SDCBP2: variants seen among roughly 807,000 people sequenced by gnomAD.
SDCBP2 encodes the protein syntenin-2.
SDCBP2 carries 28 observed loss-of-function variants against 30.7 expected under a neutral mutation model. That is an observed-to-expected ratio of 0.91 (90% CI 0.68 to 1.25). The LOEUF (loss-of-function observed/expected upper bound fraction) is 1.25, where lower values mean the gene tolerates loss of function less well. Ranked by LOEUF, SDCBP2 falls within the 50% of genes most tolerant of loss-of-function variation. SDCBP2 has a pLI of 0.00. For missense variants in SDCBP2, 399 were observed against 379.0 expected (o/e 1.05, Z -0.44); for synonymous variants, 166 against 157.3 (o/e 1.06, Z -0.41).
At position 1,310,227 on chromosome 20, in the gene SDCBP2, G is replaced by A. The variant is rs557523920; in HGVS notation, c.*214C>T. 3.7e-5 allele frequency: 18 copies of A among 490,080 alleles called. No homozygotes were observed. The highest frequency in any genetic ancestry group is 7.2e-5 in the Admixed American group (2 of 27,648). The allele number at this position is 490,080 out of a possible 1,614,324, so 30.4% of individuals were successfully genotyped here. ...CAGCACAAGAGAATCGGCTGCCTGT[G>A]GGCCCTGCCTGAGCCTCAGCCTAGC... On this transcript the variant is annotated 3_prime_UTR_variant, in exon 9 of 9. Transcript: ENST00000360779.
At position 1,310,421 on chromosome 20, in the gene SDCBP2, T is replaced by A; in HGVS notation, c.*20A>T. 1 of 1,612,326 alleles carries A rather than the reference T, an allele frequency of 6.2e-7. No homozygotes were observed. The highest frequency in any genetic ancestry group is 8.5e-7 in the Non-Finnish European group (1 of 1,179,450). On this transcript the variant is annotated 3_prime_UTR_variant, in exon 9 of 9. Coordinates refer to ENST00000360779, the MANE Select transcript of SDCBP2 (RefSeq NM_080489.5). The stretch of plus-strand genomic sequence containing the variant: ...AGGAGGGCGGGAAGCCCCCCCTGCC[T>A]GCCCTGCCCTGCAGTGGCTTCAGGC...
At position 1,313,713 on chromosome 20, in the gene SDCBP2, A is replaced by C; in HGVS notation, c.226-215T>G. The C allele has an allele frequency of 7.7e-7, 1 of 1,296,936 alleles. No individual in the cohort carries two copies. The highest frequency in any genetic ancestry group is 9.9e-7 in the Non-Finnish European group (1 of 1,011,082). The allele number at this position is 1,296,936 out of a possible 1,614,324, so 80.3% of individuals were successfully genotyped here. On this transcript the variant is annotated intron_variant, in intron 4 of 8. Coordinates refer to ENST00000360779, the MANE Select transcript of SDCBP2 (RefSeq NM_080489.5). This position sits in a 1 kb window ranked among gnomAD's most constrained non-coding sequence, Gnocchi z 5.2. Reference sequence around the variant, plus strand: ...AAGTCCATGCCCTTAAAAAGCCAGGAAAACGGGGAGGGAAGGGGCGAGGAT... The same window carrying C: ...AAGTCCATGCCCTTAAAAAGCCAGGCAAACGGGGAGGGAAGGGGCGAGGAT...
intron 4 of SDCBP2, chr20:1,317,532 C>T (rs1433584597): frequency 6.5e-6 from 1 of 153,230 alleles, no homozygotes; most frequent in African/African-American, 2.4e-5. Flanking sequence ...CTGCCTTTCA[C>T]AGCACGACCA....
rs1362471766 is a variant in SDCBP2, at chr20:1,312,662, C to T, written c.485G>A (p.Gly162Glu). 5 of 1,614,070 alleles carry T rather than the reference C, an allele frequency of 3.1e-6. No individual in the cohort carries two copies. In the Admixed American group the frequency reaches 8.3e-5, roughly 27 times the overall value. The change falls in exon 6 of 9, where the codon GGG becomes GAG. Residue 162 changes from glycine (G) to glutamate (E), a missense_variant. Gly to Glu is a moderately conservative substitution (Grantham distance 98, BLOSUM62 -2). Transcript: ENST00000360779. ...LLQIDGRDCA[G>E]WSSHKAHQVV... ...CTGATGGGCTTTGTGCGAGCTCCAC[C>T]CAGCACAGTCACGCCCGTCAATCTG...
In SDCBP2 at chr20:1,310,807, C is replaced by T. The variant is rs779449164; in HGVS notation, c.817G>A (p.Val273Ile). 9.3e-6 allele frequency: 15 copies of T among 1,612,286 alleles called. No individual in the cohort carries two copies. In the South Asian group the frequency reaches 1.3e-4, roughly 14 times the overall value. ...GGAGGGGTGCAGCCTTACTTTTTGA[C>T]CATGTGCTCGTAGATCACACTGGGG... ...IIPSVIYEHM[V>I]KKLPPVLLHH... Residue 273 changes from valine to isoleucine, a missense_variant, in exon 8 of 9, where the codon GTC (valine) becomes ATC (isoleucine). By Grantham distance (29) the Val-to-Ile change is conservative. Coordinates refer to ENST00000360779, the MANE Select transcript of SDCBP2 (RefSeq NM_080489.5).
intron 4 of SDCBP2, among the ~76,000 whole-genome samples, chr20:1,317,039 A>C (rs913466020): frequency 6.6e-6 from 1 of 152,146 alleles, no homozygotes; most frequent in Non-Finnish European, 1.5e-5. Flanking sequence ...TGAAATGACA[A>C]AATTATAGAG....
intron 4 of SDCBP2, chr20:1,317,514 C>T (rs921271851): frequency 3.3e-5 from 5 of 152,632 alleles, no homozygotes; most frequent in African/African-American, 1.2e-4. Context: ...ACCTTCTTTG[C>T]TTCATGTCTG....
intron 8 of SDCBP2, 95 bp downstream of exon 8, chr20:1,310,705 G>A (rs956298683): frequency 3.4e-6 from 4 of 1,165,108 alleles, no homozygotes; most frequent in African/African-American, 3.0e-5. Flanking sequence ...CACTGAGAAA[G>A]TGGAAGTGGC....
chr20:1,319,070 G>A (rs1469442383), intron 3 of SDCBP2, among the ~76,000 whole-genome samples: 1 of 152,188 alleles, frequency 6.6e-6, no homozygotes, highest in Non-Finnish European at 1.5e-5. Context: ...CTCTCTTTGA[G>A]CCGCTATCTG....
At chr20:1,314,589 CAAA>C (rs11473327) in intron 4 of SDCBP2, among the ~76,000 whole-genome samples, 2 of 99,360 alleles carry the variant, frequency 2.0e-5, no homozygotes. Flanking sequence ...TACAATCACT[CAAA>C]AAAAAAAAAA....
At chr20:1,326,709 G>A (rs1388668396) in intron 1 of SDCBP2, among the ~76,000 whole-genome samples, 2 of 152,220 alleles carry the variant, frequency 1.3e-5, no homozygotes, top group African/African-American at 4.8e-5. Context: ...CCTACTATGA[G>A]CAAGGCCTTC....
chr20:1,312,538 G>A (rs1416424626), intron 6 of SDCBP2, 30 bp from the exon 7 acceptor site: 1 of 1,614,034 alleles, frequency 6.2e-7, no homozygotes, highest in East Asian at 2.2e-5. Flanking sequence ...GCTGTCCTGG[G>A]GACATGGCTG....
chr20:1,314,626 C>G (rs1398936098), intron 4 of SDCBP2, among the ~76,000 whole-genome samples: 3 of 142,786 alleles, frequency 2.1e-5, no homozygotes, highest in African/African-American at 7.7e-5. Context: ...AGCTCAGTGG[C>G]TCACTCCTGT....
Position 1,320,831 on chromosome 20 carries a change from A to G in SDCBP2, c.-19-396T>C, listed in dbSNP as rs1568563494. 1.3e-5 allele frequency: 2 copies of G among 157,792 alleles called. No homozygotes were observed. Among genetic ancestry groups the G allele is most frequent in the Non-Finnish European group, 2.8e-5 (2 of 71,550 alleles). The allele number at this position is 157,792 out of a possible 1,614,324, so 9.8% of individuals were successfully genotyped here. A position where few individuals can be genotyped will look rare whatever the true frequency, so the allele number is the denominator to read the frequency against. The stretch of plus-strand genomic sequence containing the variant: ...TCTCATTGTCCCAGGGAGAATCAGC[A>G]GGACCTCTGAGCAAGGTGCCCCGAG... On this transcript the variant is annotated intron_variant, in intron 1 of 8. Transcript: ENST00000360779. The surrounding 1 kb of genome is among the most constrained non-coding windows in gnomAD (Gnocchi z 4.7).
rs754363 is a variant in SDCBP2, at chr20:1,324,628, C to A, written c.-19-4193G>T. ...TTCCCTAGTTTTAGTACACACTAGA[C>A]TGTCTGGAAATGCATATATCAGGTT... On this transcript the variant is annotated intron_variant, in intron 1 of 8. Coordinates refer to ENST00000360779, the MANE Select transcript of SDCBP2 (RefSeq NM_080489.5). This position sits in a 1 kb window ranked among gnomAD's most constrained non-coding sequence, Gnocchi z 4.7. Among the ~76,000 whole-genome samples the A allele has an allele frequency of 0.32, 48,808 of 152,080 alleles. 8,643 individuals carry two copies. Among genetic ancestry groups the A allele is most frequent in the African/African-American group, 0.46 (19,175 of 41,452 alleles).
At chr20:1,325,390 A>G (rs2088907206) in intron 1 of SDCBP2, 1 of 152,026 alleles carries the variant, frequency 6.6e-6, no homozygotes, top group Non-Finnish European at 1.5e-5. Context: ...GGGCGCGGTT[A>G]GGGGTGACTC....
rs967142497 is a variant in SDCBP2, at chr20:1,320,487, G to A, written c.-19-52C>T. 1.4e-6 allele frequency: 2 copies of A among 1,392,170 alleles called. No individual in the cohort carries two copies. The highest frequency in any genetic ancestry group is 1.4e-5 in the African/African-American group (1 of 69,790). 86.2% of individuals were successfully genotyped at this position (1,392,170 alleles called of 1,614,324 possible). On this transcript the variant is annotated intron_variant, in intron 1 of 8. Coordinates refer to ENST00000360779, the MANE Select transcript of SDCBP2 (RefSeq NM_080489.5). The surrounding 1 kb of genome is among the most constrained non-coding windows in gnomAD (Gnocchi z 4.7). ...ATAAGGATGCAGCTGATGCCCCCTTGAAAGGAGGCACAGACATCCGCAACA... is the reference window on the plus strand; with the variant it reads ...ATAAGGATGCAGCTGATGCCCCCTTAAAAGGAGGCACAGACATCCGCAACA...
rs1002694147 is a variant in SDCBP2 at position 1,320,191 on chromosome 20, G to A, written c.54+172C>T. ...TGGTCTTTTCTATTCTTGCTGTAAC[G>A]CCATTGGCATTGCCCCCTGGATGTC... On this transcript the variant is annotated intron_variant, in intron 2 of 8. Coordinates refer to ENST00000360779, the MANE Select transcript of SDCBP2 (RefSeq NM_080489.5). This position sits in a 1 kb window ranked among gnomAD's most constrained non-coding sequence, Gnocchi z 4.7. Among the ~76,000 whole-genome samples the A allele has an allele frequency of 6.6e-6, 1 of 152,226 alleles. No homozygotes were observed. Among genetic ancestry groups the A allele is most frequent in the Non-Finnish European group, 1.5e-5 (1 of 68,038 alleles).
Position 1,310,277 on chromosome 20 carries a change from C to G in SDCBP2, c.*164G>C, listed in dbSNP as rs968923745. ...CTTGGAGTCTGAGGCTCCAAGGAGGCCTGTGTGTATAAGCCATCCCATGGT... is the reference window on the plus strand; with the variant it reads ...CTTGGAGTCTGAGGCTCCAAGGAGGGCTGTGTGTATAAGCCATCCCATGGT... On this transcript the variant is annotated 3_prime_UTR_variant, in exon 9 of 9. Coordinates refer to ENST00000360779, the MANE Select transcript of SDCBP2 (RefSeq NM_080489.5). The G allele has an allele frequency of 1.6e-6, 1 of 619,096 alleles. No individual in the cohort carries two copies. The allele number at this position is 619,096 out of a possible 1,614,324, so 38.4% of individuals were successfully genotyped here.
Sources: gnomAD v4.1 joint callset for allele counts (sites outside exome capture counted in the v4.1 genomes callset) on GRCh38, gnomAD v4.1.1 for gene constraint, Gnocchi (gnomAD v3.1) non-coding constraint, MANE v1.5 for transcripts, NCBI Gene and HGNC (gene_info 2026-07-23, HGNC 2026-07-21) for gene names.